The following ERBB4 variants were observed in gnomAD, a reference collection of about 807,000 sequenced individuals.
The protein encoded by ERBB4 is receptor tyrosine-protein kinase erbB-4.
A neutral mutation model predicts 158.0 loss-of-function variants in ERBB4; 42 were observed. That is an observed-to-expected ratio of 0.27 (90% CI 0.21 to 0.34). The LOEUF is 0.34. Ranked by LOEUF, ERBB4 falls within the 10% of genes least tolerant of loss-of-function variation. The pLI is 1.00. For missense variants in ERBB4, 1,333 were observed against 1,624.1 expected, an observed-to-expected ratio of 0.82 and a Z score of 3.08; for synonymous variants, 583 against 558.7, an observed-to-expected ratio of 1.04 and a Z score of -0.61.
chr2:212,482,419 G>C (rs1689750787), intron 1 of ERBB4, among the ~76,000 whole-genome samples: 1 of 152,142 alleles, frequency 6.6e-6, no homozygotes, highest in South Asian at 2.1e-4. Flanking sequence ...TAGTATTTTA[G>C]AATTATTTTA....
At chr2:212,027,043 C>A (rs906122962) in intron 2 of ERBB4, among the ~76,000 whole-genome samples, 1 of 151,788 alleles carries the variant, frequency 6.6e-6, no homozygotes, top group African/African-American at 2.4e-5. Flanking sequence ...CTCCATCATA[C>A]ATCAACATCT....
intron 19 of ERBB4, among the ~76,000 whole-genome samples, chr2:211,572,240 C>T (rs2067750490): frequency 1.3e-5 from 2 of 151,936 alleles, no homozygotes; most frequent in South Asian, 2.1e-4. Flanking sequence ...AACATAGAGT[C>T]GTAACATTGC....
intron 19 of ERBB4, among the ~76,000 whole-genome samples, chr2:211,614,579 T>C (rs2069314845): frequency 6.6e-6 from 1 of 151,964 alleles, no homozygotes; most frequent in Admixed American, 6.6e-5. Context: ...GAATAAAAAA[T>C]CCACTATTAG....
At chr2:212,471,379 T>G (rs115130207) in intron 1 of ERBB4, among the ~76,000 whole-genome samples, 1 of 151,994 alleles carries the variant, frequency 6.6e-6, no homozygotes, top group Non-Finnish European at 1.5e-5. Flanking sequence ...ACTAGACAAA[T>G]AGAAATCCAT....
At chr2:212,381,541 C>T (rs1402961656) in intron 1 of ERBB4, among the ~76,000 whole-genome samples, 1 of 151,246 alleles carries the variant, frequency 6.6e-6, no homozygotes, top group African/African-American at 2.4e-5. Flanking sequence ...ACTCTCCAAG[C>T]AATTGCAGCC....
At chr2:212,257,921 T>A (rs1403911218) in intron 1 of ERBB4, among the ~76,000 whole-genome samples, 1 of 152,140 alleles carries the variant, frequency 6.6e-6, no homozygotes, top group East Asian at 1.9e-4. Flanking sequence ...GTCCCCAATC[T>A]GTCACTGACT....
At position 211,845,622 on chromosome 2, in the gene ERBB4, C is replaced by T. The variant is rs1253204229; in HGVS notation, c.422-57463G>A. Among the ~76,000 whole-genome samples the T allele has an allele frequency of 2.0e-5, 3 of 152,028 alleles. No homozygotes were observed. The South Asian group carries it at 6.2e-4, about 32-fold the overall frequency. On this transcript the variant is annotated intron_variant, in intron 3 of 27. Coordinates refer to ENST00000342788, the MANE Select transcript of ERBB4 (RefSeq NM_005235.3). The stretch of plus-strand genomic sequence containing the variant: ...AAATTTAAGAAACATGTATTTTTAG[C>T]CCTTTGTGAATGGGAACCTCAATCT...
At chr2:212,479,277 C>G (rs1689562284) in intron 1 of ERBB4, among the ~76,000 whole-genome samples, 1 of 152,036 alleles carries the variant, frequency 6.6e-6, no homozygotes. Flanking sequence ...GCCCCCAATT[C>G]CTTATAGATC....
intron 3 of ERBB4, among the ~76,000 whole-genome samples, chr2:211,859,186 A>G (rs934713506): frequency 2.0e-5 from 3 of 152,222 alleles, no homozygotes; most frequent in African/African-American, 4.8e-5. Context: ...AAAACTGTAA[A>G]TGAACTTAGT....
At chr2:212,519,435 G>T (rs1346506899) in intron 1 of ERBB4, among the ~76,000 whole-genome samples, 3 of 151,722 alleles carry the variant, frequency 2.0e-5, no homozygotes, top group Non-Finnish European at 4.4e-5. Flanking sequence ...TGGCTACAGT[G>T]GTCTGGGTAA....
At chr2:212,051,419 T>C (rs948787864) in intron 2 of ERBB4, among the ~76,000 whole-genome samples, 1 of 152,184 alleles carries the variant, frequency 6.6e-6, no homozygotes, top group Admixed American at 6.5e-5. Context: ...TGAACTCACA[T>C]AGTATTCACT....
At chr2:212,245,506 T>C (rs191272435) in intron 1 of ERBB4, among the ~76,000 whole-genome samples, 3 of 152,316 alleles carry the variant, frequency 2.0e-5, no homozygotes, top group African/African-American at 4.8e-5. Context: ...TTATATCAGA[T>C]ATTGACGTTA....
intron 16 of ERBB4, among the ~76,000 whole-genome samples, chr2:211,650,203 C>G (rs953691501): frequency 2.6e-5 from 4 of 151,942 alleles, no homozygotes; most frequent in African/African-American, 4.8e-5. Context: ...CAACTCTTTT[C>G]TAAATATATG....
At chr2:211,646,246 CTA>C (rs1388132184) in intron 16 of ERBB4, among the ~76,000 whole-genome samples, 2 of 151,222 alleles carry the variant, frequency 1.3e-5, no homozygotes, top group Non-Finnish European at 1.5e-5. Context: ...ATTTAATACT[CTA>C]AGCATGTATT....
At chr2:211,575,701 C>A (rs1574785747) in intron 19 of ERBB4, among the ~76,000 whole-genome samples, 1 of 152,054 alleles carries the variant, frequency 6.6e-6, no homozygotes, top group African/African-American at 2.4e-5. Flanking sequence ...AGCAACTCGA[C>A]AAAATTAGAA....
chr2:212,355,633 A>G (rs1321858194), intron 1 of ERBB4, among the ~76,000 whole-genome samples: 1 of 152,066 alleles, frequency 6.6e-6, no homozygotes, highest in East Asian at 1.9e-4. Context: ...AAAACCTTGC[A>G]TATCATTGCA....
chr2:212,197,559 T>A (rs56815773), intron 1 of ERBB4, among the ~76,000 whole-genome samples: 28,477 of 152,128 alleles, frequency 0.19, 2,965 homozygotes, highest in Non-Finnish European at 0.22. Flanking sequence ...AATACAGAAC[T>A]ATGTTATTAA....
chr2:212,513,479 T>C (rs1691641140), intron 1 of ERBB4, among the ~76,000 whole-genome samples: 1 of 151,918 alleles, frequency 6.6e-6, no homozygotes, highest in South Asian at 2.1e-4. Flanking sequence ...AAAAGTATCT[T>C]CCCCATTTTA....
chr2:211,969,320 C>T (rs2081389079), intron 2 of ERBB4, among the ~76,000 whole-genome samples: 1 of 151,978 alleles, frequency 6.6e-6, no homozygotes, highest in South Asian at 2.1e-4. Flanking sequence ...GTTGAATAGA[C>T]ATATCTCTTT....
Sources: gnomAD v4.1 joint callset for allele counts (sites outside exome capture counted in the v4.1 genomes callset) on GRCh38, gnomAD v4.1.1 for gene constraint, MANE v1.5 for transcripts, NCBI Gene and HGNC (gene_info 2026-07-23, HGNC 2026-07-21) for gene names.